Variants in FBN1 observed in about 807,000 individuals in gnomAD.
FBN1 encodes the protein fibrillin 1.
A neutral mutation model predicts 365.1 loss-of-function variants in FBN1; 29 were observed. That is an observed-to-expected ratio of 0.08 (90% CI 0.06 to 0.11). FBN1 has a LOEUF of 0.11. Ranked by LOEUF, FBN1 falls within the 10% of genes least tolerant of loss-of-function variation. The pLI is 1.00. For missense variants in FBN1, 2,476 were observed against 3,703.2 expected, an observed-to-expected ratio of 0.67 and a Z score of 8.60; for synonymous variants, 1,210 against 1,270.5, an observed-to-expected ratio of 0.95 and a Z score of 1.01.
At chr15:48,415,457 G>T in intron 64 of FBN1, 79 bp downstream of exon 64, 3 of 1,093,946 alleles carry the variant, frequency 2.7e-6, no homozygotes, top group East Asian at 4.8e-5. Flanking sequence ...TGCTAGGACA[G>T]GTAATTTTGA....
chr15:48,595,634 CA>C (rs1312995406), intron 6 of FBN1, among the ~76,000 whole-genome samples: 1 of 152,184 alleles, frequency 6.6e-6, no homozygotes, highest in Non-Finnish European at 1.5e-5. Context: ...ACAAAACACA[CA>C]TTCAAATTAA....
chr15:48,453,568 T>C (rs1363781676), intron 44 of FBN1, among the ~76,000 whole-genome samples: 4 of 152,166 alleles, frequency 2.6e-5, no homozygotes, highest in East Asian at 1.9e-4. Flanking sequence ...AGTTATGGAA[T>C]GGTGGATACA....
chr15:48,501,062 T>A (rs1184064666), intron 17 of FBN1, among the ~76,000 whole-genome samples: 1 of 152,182 alleles, frequency 6.6e-6, no homozygotes, highest in African/African-American at 2.4e-5. Flanking sequence ...GTGTGGACCC[T>A]TTTTTGGGTA....
chr15:48,449,024 G>C (rs557502083), intron 45 of FBN1, 131 bp from the exon 46 acceptor site: 2 of 757,520 alleles, frequency 2.6e-6, no homozygotes, highest in African/African-American at 1.7e-5. Context: ...ATTTATTTTT[G>C]CATCAAAATG....
At chr15:48,567,431 A>G (rs569932102) in intron 6 of FBN1, among the ~76,000 whole-genome samples, 4 of 152,094 alleles carry the variant, frequency 2.6e-5, no homozygotes, top group African/African-American at 9.6e-5. Context: ...AGACCAGTTT[A>G]AAAAAAATAA....
At chr15:48,501,127 T>A (rs1279032657) in intron 17 of FBN1, among the ~76,000 whole-genome samples, 1 of 152,176 alleles carries the variant, frequency 6.6e-6, no homozygotes, top group Non-Finnish European at 1.5e-5. Flanking sequence ...CATTTAACTC[T>A]CTTTAAGCTT....
intron 32 of FBN1, among the ~76,000 whole-genome samples, chr15:48,479,499 C>G (rs2043450547): frequency 6.6e-6 from 1 of 152,196 alleles, no homozygotes; most frequent in Non-Finnish European, 1.5e-5. Context: ...GCATAAAACT[C>G]AAGTCTTCCT....
chr15:48,502,171 G>A (rs2043665624), intron 17 of FBN1, among the ~76,000 whole-genome samples: 1 of 152,148 alleles, frequency 6.6e-6, no homozygotes, highest in African/African-American at 2.4e-5. Context: ...TGGGGTTATA[G>A]GCGCGCACCA....
At chr15:48,488,332 G>A (rs565318171) in intron 26 of FBN1, 36 bp downstream of exon 26, 10 of 1,614,146 alleles carry the variant, frequency 6.2e-6, no homozygotes, top group African/African-American at 2.7e-5. Flanking sequence ...TTTAAAGGAC[G>A]TCCCCTCTCC....
At chr15:48,445,302 G>A (rs1221556571) in intron 48 of FBN1, 74 bp downstream of exon 48, 2 of 1,526,548 alleles carry the variant, frequency 1.3e-6, no homozygotes, top group Non-Finnish European at 1.8e-6. Context: ...AGAAGCATTA[G>A]AACAGAGACT....
At position 48,425,773 on chromosome 15, in the gene FBN1, C is replaced by T. The variant is rs1256395282; in HGVS notation, c.7296G>A (p.Gly2432=). Residue 2432 remains glycine (G), a synonymous_variant, in exon 59 of 66, where the codon GGG becomes GGA. Coordinates refer to ENST00000316623, the MANE Select transcript of FBN1 (RefSeq NM_000138.5). ...RGSYHCICKT[G]YTPDITGTSC... Reference sequence around the variant, plus strand: ...AAGTCCCAGTTATATCTGGAGTGTACCCAGTTTTACAAATGCAATGATATG... The same window carrying T: ...AAGTCCCAGTTATATCTGGAGTGTATCCAGTTTTACAAATGCAATGATATG... 2 of 1,613,118 alleles carry T rather than the reference C, an allele frequency of 1.2e-6. No individual in the cohort carries two copies. The highest frequency in any genetic ancestry group is 1.7e-6 in the Non-Finnish European group (2 of 1,179,390).
rs761196321 is a variant in FBN1, at chr15:48,460,324, T to C, written c.5225-7A>G. On this transcript the variant is annotated splice_polypyrimidine_tract_variant and splice_region_variant and intron_variant, in intron 42 of 65. Coordinates refer to ENST00000316623, the MANE Select transcript of FBN1 (RefSeq NM_000138.5). Reference sequence around the variant, plus strand: ...CAGAGTGTAGCAAACTCATCTGCAATGATTAAACAAAGGTGGGATGGGAGG... The same window carrying C: ...CAGAGTGTAGCAAACTCATCTGCAACGATTAAACAAAGGTGGGATGGGAGG... The C allele has an allele frequency of 2.5e-6, 4 of 1,604,198 alleles. No homozygotes were observed. In the Admixed American group the frequency reaches 6.7e-5, roughly 27 times the overall value.
At position 48,485,486 on chromosome 15, in the gene FBN1, T is replaced by C; in HGVS notation, c.3600A>G (p.Glu1200=). 1 of 1,614,176 alleles carries C rather than the reference T, an allele frequency of 6.2e-7. No homozygotes were observed. The highest frequency in any genetic ancestry group is 8.5e-7 in the Non-Finnish European group (1 of 1,180,010). The stretch of plus-strand genomic sequence containing the variant: ...CACAACCACCATTCATTATGCTGCA[T>C]TCATCAATGTCTAAAAGAAATGAAA... ...PDRLFCVDID[E]CSIMNGGCET... Residue 1200 remains glutamate (E), a synonymous_variant, in exon 30 of 66, where the codon GAA becomes GAG. Coordinates refer to ENST00000316623, the MANE Select transcript of FBN1 (RefSeq NM_000138.5).
intron 6 of FBN1, among the ~76,000 whole-genome samples, chr15:48,578,646 C>T (rs2044367121): frequency 6.6e-6 from 1 of 151,594 alleles, no homozygotes; most frequent in South Asian, 2.1e-4. Flanking sequence ...GAAAATGTGG[C>T]ACATATACAC....
intron 11 of FBN1, 119 bp from the exon 12 acceptor site, chr15:48,515,646 A>C: frequency 7.5e-7 from 1 of 1,341,674 alleles, no homozygotes; most frequent in Non-Finnish European, 1.1e-6. Flanking sequence ...CTCTTTGGGC[A>C]AAGGTCGTCT....
intron 13 of FBN1, among the ~76,000 whole-genome samples, chr15:48,511,833 A>G (rs572043586): frequency 3.9e-5 from 6 of 152,324 alleles, no homozygotes; most frequent in Non-Finnish European, 8.8e-5. Context: ...ACATGAGTTT[A>G]TACTGGCTGG....
intron 2 of FBN1, among the ~76,000 whole-genome samples, chr15:48,622,292 C>T (rs1479229604): frequency 1.3e-5 from 2 of 152,172 alleles, no homozygotes; most frequent in Non-Finnish European, 2.9e-5. Context: ...AGATTATCTA[C>T]ACAACAGACA....
chr15:48,535,385 G>A (rs1376195865), intron 7 of FBN1, among the ~76,000 whole-genome samples: 1 of 152,194 alleles, frequency 6.6e-6, no homozygotes, highest in Non-Finnish European at 1.5e-5. Flanking sequence ...AGCACCTAAG[G>A]ACTAACTTGG....
chr15:48,501,974 C>T (rs548525638), intron 17 of FBN1, among the ~76,000 whole-genome samples: 12 of 152,084 alleles, frequency 7.9e-5, no homozygotes, highest in African/African-American at 2.2e-4. Context: ...TATTATTCAC[C>T]GGGTGAAGTC....
Sources: allele counts gnomAD v4.1 joint callset (sites outside exome capture counted in the v4.1 genomes callset), GRCh38; gene constraint gnomAD v4.1.1; transcripts MANE v1.5; gene names NCBI Gene and HGNC (gene_info 2026-07-23, HGNC 2026-07-21).